ILDR1: variants seen among roughly 807,000 people sequenced by gnomAD.
ILDR1 encodes immunoglobulin-like domain-containing receptor 1.
A neutral mutation model predicts 62.4 loss-of-function variants in ILDR1; 56 were observed. The ratio of observed to expected loss-of-function variants is 0.90; its 90% CI spans 0.72 to 1.12. The LOEUF (loss-of-function observed/expected upper bound fraction) is 1.12. Ranked by LOEUF, ILDR1 falls within the 50% of genes most tolerant of loss-of-function variation. The pLI, the probability that ILDR1 is intolerant of heterozygous loss-of-function variation, is 0.00. For missense variants in ILDR1, 736 were observed against 710.6 expected (o/e 1.04, Z -0.41); for synonymous variants, 284 against 277.8 (o/e 1.02, Z -0.22).
the ILDR1 span, among the ~76,000 whole-genome samples, chr3:122,056,076 T>C: frequency 6.6e-6 from 1 of 152,208 alleles, no homozygotes; most frequent in South Asian, 2.1e-4. Flanking sequence ...GGTACTTTAC[T>C]AGTGCTATTT....
Position 122,022,243 on chromosome 3 carries a change from C to A in ILDR1, c.-166G>T. On this transcript the variant is annotated 5_prime_UTR_variant, in exon 1 of 8. Coordinates refer to ENST00000344209, the MANE Select transcript of ILDR1 (RefSeq NM_001199799.2). ...TCCGCTCTGGTCCCGGGGCAGGTGC[C>A]GCCCGGCTCGTCCCCACCTGCGGCG... 1.7e-6 allele frequency: 1 copy of A among 573,274 alleles called. No individual in the cohort carries two copies. The highest frequency in any genetic ancestry group is 3.0e-6 in the Non-Finnish European group (1 of 338,634). 35.5% of individuals were successfully genotyped at this position (573,274 alleles called of 1,614,324 possible).
At chr3:122,053,105 T>C in the ILDR1 span, among the ~76,000 whole-genome samples, 4 of 152,192 alleles carry the variant, frequency 2.6e-5, no homozygotes, top group Admixed American at 2.0e-4. Context: ...GGTCTGTGTA[T>C]AGTTAAGTTA....
the ILDR1 span, among the ~76,000 whole-genome samples, chr3:122,055,804 T>A: frequency 6.6e-6 from 1 of 152,180 alleles, no homozygotes. Context: ...TTTTAAAATA[T>A]CTGCATAAGA....
chr3:122,040,952 C>T, the ILDR1 span, among the ~76,000 whole-genome samples: 1 of 152,016 alleles, frequency 6.6e-6, no homozygotes, highest in Non-Finnish European at 1.5e-5. Flanking sequence ...TGAAAGACAC[C>T]ATCAAGAGTG....
intron 1 of ILDR1, among the ~76,000 whole-genome samples, chr3:122,008,278 C>G (rs2071645389): frequency 6.6e-6 from 1 of 152,210 alleles, no homozygotes; most frequent in Admixed American, 6.5e-5. Flanking sequence ...ACTTAAAGCT[C>G]CAGGTGTGCC....
chr3:122,059,671 G>A, the ILDR1 span, among the ~76,000 whole-genome samples: 1 of 152,172 alleles, frequency 6.6e-6, no homozygotes, highest in African/African-American at 2.4e-5. Context: ...TAACTGTAGT[G>A]ACTACATGTT....
intron 1 of ILDR1, among the ~76,000 whole-genome samples, chr3:122,012,434 A>C (rs9812227): frequency 0.27 from 41,124 of 152,118 alleles, 5,762 homozygotes; most frequent in South Asian, 0.3. Flanking sequence ...TGTTAATTCT[A>C]GAACCTGACT....
At chr3:122,001,171 A>T in intron 5 of ILDR1, 137 bp downstream of exon 5, 2 of 1,021,966 alleles carry the variant, frequency 2.0e-6, no homozygotes, top group Non-Finnish European at 3.0e-6. Context: ...GCTGAGGCTA[A>T]TGTCCTCTGT....
At chr3:122,004,396 T>G (rs1252030927) in intron 3 of ILDR1, among the ~76,000 whole-genome samples, 1 of 152,216 alleles carries the variant, frequency 6.6e-6, no homozygotes, top group Non-Finnish European at 1.5e-5. Flanking sequence ...GCTTTATACA[T>G]ATTACCTTAG....
intron 1 of ILDR1, among the ~76,000 whole-genome samples, chr3:122,019,130 C>G (rs937734973): frequency 6.6e-6 from 1 of 152,138 alleles, no homozygotes; most frequent in Non-Finnish European, 1.5e-5. Context: ...GGACACTAAA[C>G]TTTCATTCTG....
At chr3:122,056,298 T>A in the ILDR1 span, among the ~76,000 whole-genome samples, 3 of 152,298 alleles carry the variant, frequency 2.0e-5, no homozygotes, top group East Asian at 5.8e-4. Context: ...TTCTCTTGGG[T>A]GGTGGCAGCT....
intron 1 of ILDR1, among the ~76,000 whole-genome samples, chr3:122,008,885 G>GCCCGGCCTGAGCCACTGCA: frequency 6.7e-6 from 1 of 148,284 alleles, no homozygotes; most frequent in Non-Finnish European, 1.5e-5. Flanking sequence ...GAGCCACTGC[G>GCCCGGCCTGAGCCACTGCA]CCCGGCCTGA....
intron 5 of ILDR1, among the ~76,000 whole-genome samples, chr3:121,999,186 T>C (rs1043588503): frequency 5.9e-5 from 9 of 152,212 alleles, no homozygotes; most frequent in Admixed American, 1.3e-4. Context: ...TAATAGGTCA[T>C]TCATTATTTT....
the ILDR1 span, among the ~76,000 whole-genome samples, chr3:122,029,600 G>T: frequency 6.6e-6 from 1 of 150,998 alleles, no homozygotes; most frequent in African/African-American, 2.4e-5. Flanking sequence ...GAGAGAGATG[G>T]ATTAGCGGGT....
intron 7 of ILDR1, among the ~76,000 whole-genome samples, chr3:121,991,681 A>C (rs2071349413): frequency 6.6e-6 from 1 of 152,202 alleles, no homozygotes. Flanking sequence ...AGATGACATA[A>C]TTGCCATTAA....
the ILDR1 span, among the ~76,000 whole-genome samples, chr3:122,059,705 A>G: frequency 4.6e-5 from 7 of 152,176 alleles, no homozygotes; most frequent in Admixed American, 1.3e-4. Flanking sequence ...TGGCTCCCTT[A>G]AAATTCATAT....
At position 121,993,391 on chromosome 3, in the gene ILDR1, C is replaced by A. The variant is rs372564314; in HGVS notation, c.1358G>T (p.Arg453Leu). 8 of 1,613,006 alleles carry A rather than the reference C, an allele frequency of 5.0e-6. No individual in the cohort carries two copies. The African/African-American group carries it at 8.0e-5, about 16-fold the overall frequency. The change falls in exon 7 of 8, where the codon CGG becomes CTG. Residue 453 changes from arginine to leucine, a missense_variant. Physicochemically the swap from Arg to Leu is moderately radical, Grantham distance 102. Coordinates refer to ENST00000344209, the MANE Select transcript of ILDR1 (RefSeq NM_001199799.2). Reference sequence around the variant, plus strand: ...TCTCCCGTGCCTCTGAGTGCTCTCCCGGGGGCTGGGCCTGCGGGGCCTCTC... The same window carrying A: ...TCTCCCGTGCCTCTGAGTGCTCTCCAGGGGGCTGGGCCTGCGGGGCCTCTC... The part of the protein sequence containing the change: ...CQERPRRPSP[R>L]ESTQRHGRRR...
chr3:121,991,575 T>C lies in ILDR1; in HGVS notation c.1599+1575A>G, dbSNP rs1206403863. On this transcript the variant is annotated intron_variant, in intron 7 of 7. Transcript: ENST00000344209. ...GGGTTGTTGTGAGGATTAAGTAAGA[T>C]GTTATATAAGATGTCTATAACTCAG... Among the ~76,000 whole-genome samples the C allele has an allele frequency of 2.0e-5, 3 of 152,394 alleles. 1 individual carries two copies. In the East Asian group the frequency reaches 5.8e-4, roughly 29 times the overall value.
chr3:121,993,500 CTGACCAGTG>C lies in ILDR1; in HGVS notation c.1240_1248del (p.His414_Ser416del), dbSNP rs775181177. Reference sequence around the variant, plus strand: ...GGGACATCGCTTAGGCTGTCCCTGTCTGACCAGTGTATGGGTGACCCATTCAGCCTAGAG... The same window carrying C: ...GGGACATCGCTTAGGCTGTCCCTGTCTATGGGTGACCCATTCAGCCTAGAG... On this transcript the variant is annotated inframe_deletion, in exon 7 of 8. Transcript: ENST00000344209. The C allele has an allele frequency of 5.0e-6, 8 of 1,614,260 alleles. No individual in the cohort carries two copies. Among genetic ancestry groups the C allele is most frequent in the Non-Finnish European group, 6.8e-6 (8 of 1,180,046 alleles).
Sources: gnomAD v4.1 joint callset for allele counts (sites outside exome capture counted in the v4.1 genomes callset) on GRCh38, gnomAD v4.1.1 for gene constraint, MANE v1.5 for transcripts, NCBI Gene and HGNC (gene_info 2026-07-23, HGNC 2026-07-21) for gene names.